CABYR: variants seen among roughly 807,000 people sequenced by gnomAD.
CABYR encodes calcium-binding tyrosine phosphorylation-regulated protein.
CABYR carries 31 observed loss-of-function variants against 36.1 expected under a neutral mutation model. That is an observed-to-expected ratio of 0.86 (90% CI 0.64 to 1.16). CABYR has a LOEUF of 1.16. CABYR is among the 50% of genes most tolerant of loss of function. CABYR has a pLI of 0.00. For missense variants in CABYR, 429 were observed against 455.8 expected, an observed-to-expected ratio of 0.94 and a Z score of 0.53; for synonymous variants, 146 against 160.7, an observed-to-expected ratio of 0.91 and a Z score of 0.69.
At chr18:24,150,970 A>G (rs1685257) in intron 3 of CABYR, among the ~76,000 whole-genome samples, 58 of 152,038 alleles carry the variant, frequency 3.8e-4, no homozygotes, top group African/African-American at 1.4e-3. Flanking sequence ...TAGTAGAGAC[A>G]GGGTTTCACC....
intron 3 of CABYR, among the ~76,000 whole-genome samples, chr18:24,147,004 T>G (rs922040328): frequency 1.3e-5 from 2 of 152,062 alleles, no homozygotes; most frequent in African/African-American, 4.8e-5. Context: ...TTAAAGAAGT[T>G]TATAAGCAGG....
At chr18:24,146,009 C>A (rs2085450155) in intron 3 of CABYR, among the ~76,000 whole-genome samples, 1 of 152,062 alleles carries the variant, frequency 6.6e-6, no homozygotes, top group Non-Finnish European at 1.5e-5. Flanking sequence ...ACAATCAGAG[C>A]CTTTACAACG....
rs1271666990 is a variant in CABYR at position 24,159,507 on chromosome 18, T to C, written c.577T>C (p.Cys193Arg). ...ATSERGQPPP[C>R]SNMWTLYCLT... ...AAGTGAACGAGGACAACCACCACCA[T>C]GTTCTAACATGTGGACCCTTTATTG... Residue 193 changes from cysteine to arginine, a missense_variant, in exon 5 of 6, where the codon TGT becomes CGT. By Grantham distance (180) the Cys-to-Arg change is radical. Transcript: ENST00000399496. 6.2e-7 allele frequency: 1 copy of C among 1,613,960 alleles called. No homozygotes were observed. Among genetic ancestry groups the C allele is most frequent in the Admixed American group, 1.7e-5 (1 of 59,990 alleles).
At chr18:24,149,686 C>T (rs1011528684) in intron 3 of CABYR, among the ~76,000 whole-genome samples, 10 of 152,226 alleles carry the variant, frequency 6.6e-5, no homozygotes, top group Admixed American at 1.3e-4. Context: ...CTGCAGGTCC[C>T]GAGCCCTGCC....
At chr18:24,140,806 T>C (rs1226691273) in intron 1 of CABYR, among the ~76,000 whole-genome samples, 1 of 152,176 alleles carries the variant, frequency 6.6e-6, no homozygotes, top group Non-Finnish European at 1.5e-5. Flanking sequence ...TTTTCCTTTC[T>C]GTGCCTCACT....
chr18:24,151,732 C>T (rs1264795533), intron 3 of CABYR, among the ~76,000 whole-genome samples: 1 of 148,838 alleles, frequency 6.7e-6, no homozygotes, highest in East Asian at 2.0e-4. Context: ...CTTTGTTGCC[C>T]AAGCTGGAGT....
intron 3 of CABYR, chr18:24,150,597 G>A (rs559434239): frequency 1.0e-6 from 1 of 983,142 alleles, no homozygotes; most frequent in African/African-American, 1.7e-5. Context: ...AGGAGGAAGA[G>A]GGGAGAAACT....
In CABYR at chr18:24,143,278, T is replaced by C. The variant is rs776653099; in HGVS notation, c.145+19T>C. ...TATAGAGGTTTGTTATTCCTTTATA[T>C]ATTTGCTGCTTTGAAAAAGAAAACA... On this transcript the variant is annotated intron_variant, in intron 2 of 5. Coordinates refer to ENST00000399496, the MANE Select transcript of CABYR (RefSeq NM_153769.3). 1.9e-6 allele frequency: 3 copies of C among 1,602,976 alleles called. No individual in the cohort carries two copies. Among genetic ancestry groups the C allele is most frequent in the Non-Finnish European group, 2.6e-6 (3 of 1,176,060 alleles).
At chr18:24,156,424 A>G (rs762207878) in intron 4 of CABYR, 1 of 1,614,194 alleles carries the variant, frequency 6.2e-7, no homozygotes, top group Non-Finnish European at 8.5e-7. Flanking sequence ...GGAGTTGTTT[A>G]TATCGAGCAA....
chr18:24,153,867 G>A (rs937452441), intron 3 of CABYR, among the ~76,000 whole-genome samples: 2 of 152,170 alleles, frequency 1.3e-5, no homozygotes, highest in African/African-American at 2.4e-5. Flanking sequence ...CACTTTGGAA[G>A]GCCGAGGCAG....
chr18:24,154,707 C>G (rs1050121728), intron 3 of CABYR, among the ~76,000 whole-genome samples: 6 of 152,170 alleles, frequency 3.9e-5, no homozygotes, highest in Admixed American at 1.3e-4. Context: ...TCTCAGCAAA[C>G]AGATGTGAAA....
In CABYR at chr18:24,155,718, G is replaced by A; in HGVS notation, c.217G>A (p.Gly73Arg). The change falls in exon 4 of 6, where the codon GGA becomes AGA. Residue 73 changes from glycine to arginine, a missense_variant. Coordinates refer to ENST00000399496, the MANE Select transcript of CABYR (RefSeq NM_153769.3). ...TTTTTCAGTAGAGAAATGGTCAGAA[G>A]GAACGACACCACAGAAGAAATTAGA... ...HQIKVEKWSE[G>R]TTPQKKLECL... is the part of the protein sequence containing the mutation. The A allele has an allele frequency of 6.3e-7, 1 of 1,599,580 alleles. No homozygotes were observed. The highest frequency in any genetic ancestry group is 8.5e-7 in the Non-Finnish European group (1 of 1,174,068).
chr18:24,149,409 G>T (rs1023414897), intron 3 of CABYR, among the ~76,000 whole-genome samples: 2 of 152,170 alleles, frequency 1.3e-5, no homozygotes, highest in African/African-American at 4.8e-5. Context: ...AGAGAGTGCC[G>T]ATTGGTGTAC....
Position 24,155,866 on chromosome 18 carries a change from T to G in CABYR, c.365T>G (p.Phe122Cys), listed in dbSNP as rs376220842. The G allele has an allele frequency of 6.2e-7, 1 of 1,614,130 alleles. No homozygotes were observed. The highest frequency in any genetic ancestry group is 8.5e-7 in the Non-Finnish European group (1 of 1,180,028). The stretch of plus-strand genomic sequence containing the variant: ...GAATATAGTGACAAAACCACCCAGT[T>G]TCCATCAGTTTATGCTGTGCCAGGC... ...RTEYSDKTTQ[F>C]PSVYAVPGTE... The change falls in exon 4 of 6, where the codon TTT (phenylalanine) becomes TGT (cysteine). Residue 122 changes from phenylalanine to cysteine, a missense_variant. Physicochemically the swap from Phe to Cys is radical, Grantham distance 205. Transcript: ENST00000399496.
chr18:24,141,017 A>G (rs755278730), intron 1 of CABYR, among the ~76,000 whole-genome samples: 14 of 152,228 alleles, frequency 9.2e-5, no homozygotes, highest in Non-Finnish European at 1.3e-4. Context: ...GGGAGTGCAG[A>G]TATCTCTTCT....
In CABYR at chr18:24,161,570, GT is replaced by G; in HGVS notation, c.*55del. On this transcript the variant is annotated 3_prime_UTR_variant, in exon 6 of 6. Transcript: ENST00000399496. ...TTTCAGGGAGGAGTCTGCCACCAGT[GT>G]AATGTATCAATAAACTTCATGCAAG... 2 of 778,562 alleles carry G rather than the reference GT, an allele frequency of 2.6e-6. No individual in the cohort carries two copies. Among genetic ancestry groups the G allele is most frequent in the East Asian group, 4.9e-5 (2 of 41,182 alleles). The allele number at this position is 778,562 out of a possible 1,614,324, so 48.2% of individuals were successfully genotyped here.
chr18:24,146,704 C>T (rs1048370348), intron 3 of CABYR, among the ~76,000 whole-genome samples: 4 of 152,120 alleles, frequency 2.6e-5, no homozygotes, highest in Non-Finnish European at 5.9e-5. Context: ...AAATGACACA[C>T]AGGTACATCA....
At chr18:24,154,095 T>C (rs1415110226) in intron 3 of CABYR, among the ~76,000 whole-genome samples, 5 of 65,628 alleles carry the variant, frequency 7.6e-5, no homozygotes, top group African/African-American at 2.6e-4. Flanking sequence ...AGAGCAAGAC[T>C]CCATCTCAAA....
chr18:24,149,016 G>T (rs1044781112), intron 3 of CABYR, among the ~76,000 whole-genome samples: 7 of 152,154 alleles, frequency 4.6e-5, no homozygotes, highest in South Asian at 4.1e-4. Context: ...TGGTAGAGCG[G>T]AGTAGTCTGT....
Sources: allele counts gnomAD v4.1 joint callset (sites outside exome capture counted in the v4.1 genomes callset), GRCh38; gene constraint gnomAD v4.1.1; transcripts MANE v1.5; gene names NCBI Gene and HGNC (gene_info 2026-07-23, HGNC 2026-07-21).